RBPJ: variants seen among roughly 807,000 people sequenced by gnomAD.
RBPJ encodes the protein recombination signal binding protein for immunoglobulin kappa J region.
A neutral mutation model predicts 67.8 loss-of-function variants in RBPJ; 9 were observed. That is an observed-to-expected ratio of 0.13 (90% CI 0.08 to 0.23). The LOEUF is 0.23. RBPJ is among the 10% of genes least tolerant of loss of function. The pLI, the probability that RBPJ is intolerant of heterozygous loss-of-function variation, is 1.00. For missense variants in RBPJ, 305 were observed against 595.6 expected, an observed-to-expected ratio of 0.51 and a Z score of 5.08; for synonymous variants, 198 against 203.3, an observed-to-expected ratio of 0.97 and a Z score of 0.22.
At chr4:26,252,822 T>C (rs1720158302) in intron 1 of RBPJ, among the ~76,000 whole-genome samples, 1 of 152,186 alleles carries the variant, frequency 6.6e-6, no homozygotes, top group Non-Finnish European at 1.5e-5. Context: ...AATGCATTTA[T>C]AAATGTTTCT....
At chr4:26,270,439 A>AAGAAAGAG (rs200729958) in intron 1 of RBPJ, among the ~76,000 whole-genome samples, 1 of 100,342 alleles carries the variant, frequency 1.0e-5, no homozygotes, top group East Asian at 2.5e-4. Context: ...GAAAGAAAGA[A>AAGAAAGAG]GAAAGAAAGA....
At chr4:26,144,221 A>T in the RBPJ span, among the ~76,000 whole-genome samples, 3 of 148,090 alleles carry the variant, frequency 2.0e-5, no homozygotes. Flanking sequence ...ATTTGTTTCA[A>T]TTTTTTTATA....
At chr4:26,229,022 C>T (rs567094882) in intron 1 of RBPJ, among the ~76,000 whole-genome samples, 17 of 152,306 alleles carry the variant, frequency 1.1e-4, no homozygotes, top group African/African-American at 3.8e-4. Context: ...TAGAGCTCTT[C>T]TTGGCTTTGT....
chr4:26,323,713 A>G (rs774334621), intron 1 of RBPJ, among the ~76,000 whole-genome samples: 12 of 152,176 alleles, frequency 7.9e-5, no homozygotes, highest in Admixed American at 2.0e-4. Context: ...ACAGATTTCT[A>G]TCAATGTTTT....
chr4:26,148,308 A>T, the RBPJ span, among the ~76,000 whole-genome samples: 1 of 152,184 alleles, frequency 6.6e-6, no homozygotes, highest in African/African-American at 2.4e-5. Context: ...GGCTCACAGG[A>T]GGAAATGTCA....
chr4:26,297,241 G>A (rs1379810844), intron 1 of RBPJ, among the ~76,000 whole-genome samples: 4 of 152,016 alleles, frequency 2.6e-5, no homozygotes, highest in Non-Finnish European at 5.9e-5. Context: ...GGCTGCAGTG[G>A]GCAGTGAGCA....
intron 2 of RBPJ, 139 bp downstream of exon 2, chr4:26,386,530 C>A: frequency 1.8e-6 from 1 of 569,744 alleles, no homozygotes; most frequent in Non-Finnish European, 3.0e-6. Context: ...TCTCAAACTT[C>A]CTTTCCCTCA....
chr4:26,324,726 G>A (rs958903276), intron 1 of RBPJ, among the ~76,000 whole-genome samples: 3 of 151,890 alleles, frequency 2.0e-5, no homozygotes, highest in African/African-American at 7.3e-5. Context: ...ATGGGGTTTC[G>A]CCATGTTGGC....
intron 1 of RBPJ, among the ~76,000 whole-genome samples, chr4:26,263,321 C>G (rs552645575): frequency 1.3e-5 from 2 of 150,092 alleles, no homozygotes; most frequent in African/African-American, 4.9e-5. Context: ...CCCCCCCGCC[C>G]CACCCCGTGC....
chr4:26,215,167 T>G (rs1256375640), intron 1 of RBPJ, among the ~76,000 whole-genome samples: 22 of 55,460 alleles, frequency 4.0e-4, no homozygotes, highest in African/African-American at 6.7e-4. Context: ...AGAAGGAGGA[T>G]AGGGAAGGAG....
intron 1 of RBPJ, among the ~76,000 whole-genome samples, chr4:26,369,151 T>A (rs1365925705): frequency 6.6e-6 from 1 of 152,242 alleles, no homozygotes; most frequent in African/African-American, 2.4e-5. Context: ...TATCTTGTCA[T>A]GGCAGAACAG....
intron 1 of RBPJ, among the ~76,000 whole-genome samples, chr4:26,278,395 C>T (rs972509693): frequency 3.2e-4 from 48 of 152,220 alleles, no homozygotes; most frequent in Admixed American, 1.0e-3. Flanking sequence ...AATGAATTTA[C>T]TAATAGGTAC....
intron 1 of RBPJ, among the ~76,000 whole-genome samples, chr4:26,306,468 T>G (rs1722243216): frequency 1.3e-5 from 2 of 150,964 alleles, no homozygotes; most frequent in South Asian, 2.1e-4. Flanking sequence ...TTATTATTAT[T>G]TGAGACAAAG....
At chr4:26,157,695 C>T in the RBPJ span, among the ~76,000 whole-genome samples, 2 of 152,250 alleles carry the variant, frequency 1.3e-5, no homozygotes, top group East Asian at 3.9e-4. Flanking sequence ...TTCTCAACAT[C>T]TTGACTTTAG....
At chr4:26,200,412 T>C (rs1717941220) in intron 1 of RBPJ, among the ~76,000 whole-genome samples, 1 of 152,086 alleles carries the variant, frequency 6.6e-6, no homozygotes, top group African/African-American at 2.4e-5. Flanking sequence ...CCCATGCCTG[T>C]TATCTCAGAA....
In RBPJ at chr4:26,430,936, G is replaced by T; in HGVS notation, c.1393G>T (p.Glu465Ter). Residue 465 changes from glutamate to a stop codon, truncating the protein, a stop_gained, in exon 11 of 11, where the codon GAG becomes TAG. Coordinates refer to ENST00000355476, the MANE Select transcript of RBPJ (RefSeq NM_015874.6). LOFTEE classifies it high-confidence loss of function. The surrounding 1 kb of genome is among the most constrained non-coding windows in gnomAD (Gnocchi z 4.1). ...CCCTAACGAATCAAACACAAACAGC[G>T]AGGGAAGTTACACAAACGCCAGCAC... ...VPPNESNTNS[E>*]GSYTNASTNS... is the part of the protein sequence containing the mutation. 1 of 1,613,958 alleles carries T rather than the reference G, an allele frequency of 6.2e-7. No homozygotes were observed. Among genetic ancestry groups the T allele is most frequent in the East Asian group, 2.2e-5 (1 of 44,882 alleles).
At chr4:26,168,568 G>A (rs1342320095) in intron 1 of RBPJ, among the ~76,000 whole-genome samples, 3 of 152,050 alleles carry the variant, frequency 2.0e-5, no homozygotes, top group African/African-American at 4.8e-5. Flanking sequence ...TGCTCTTCTC[G>A]AGGAATATCT....
upstream of RBPJ, among the ~76,000 whole-genome samples, chr4:26,161,398 T>C (rs561528719): frequency 6.6e-6 from 1 of 152,350 alleles, no homozygotes; most frequent in East Asian, 1.9e-4. Flanking sequence ...GACATAGTGA[T>C]TTAAGCAGAA....
chr4:26,266,953 A>C (rs1436235885), intron 1 of RBPJ, among the ~76,000 whole-genome samples: 1 of 152,196 alleles, frequency 6.6e-6, no homozygotes, highest in Non-Finnish European at 1.5e-5. Flanking sequence ...ACCTTATTGC[A>C]AAAGCTCTAT....
Sources: allele counts gnomAD v4.1 joint callset (sites outside exome capture counted in the v4.1 genomes callset), GRCh38; gene constraint gnomAD v4.1.1; non-coding constraint Gnocchi (gnomAD v3.1); transcripts MANE v1.5; gene names NCBI Gene and HGNC (gene_info 2026-07-23, HGNC 2026-07-21).